HTT: variants seen among roughly 807,000 people sequenced by gnomAD.
The protein encoded by HTT is huntington disease protein.
A neutral mutation model predicts 362.3 loss-of-function variants in HTT; 104 were observed. The observed-to-expected ratio is 0.29, with a 90% CI of 0.24 to 0.34. The LOEUF (loss-of-function observed/expected upper bound fraction) is 0.34, where lower values mean the gene tolerates loss of function less well. HTT is among the 10% of genes least tolerant of loss of function. HTT has a pLI of 1.00. For synonymous variants in HTT, 1,577 were observed against 1,548.7 expected, an observed-to-expected ratio of 1.02 and a Z score of -0.43; for missense variants, 3,301 against 3,928.6, an observed-to-expected ratio of 0.84 and a Z score of 4.27.
intron 40 of HTT, among the ~76,000 whole-genome samples, chr4:3,189,427 T>C (rs1050115163): frequency 3.3e-5 from 5 of 152,190 alleles, no homozygotes; most frequent in African/African-American, 1.2e-4. Context: ...ATATTTACAG[T>C]GGAATATTAT....
chr4:3,083,561 AC>A (rs1713034848), intron 1 of HTT, among the ~76,000 whole-genome samples: 1 of 150,352 alleles, frequency 6.7e-6, no homozygotes, highest in Non-Finnish European at 1.5e-5. Flanking sequence ...ACACACACAC[AC>A]ACACACACAC....
At chr4:3,106,354 C>CA (rs1035287113) in intron 5 of HTT, among the ~76,000 whole-genome samples, 1 of 151,856 alleles carries the variant, frequency 6.6e-6, no homozygotes, top group African/African-American at 2.4e-5. Flanking sequence ...AGACCTGTCT[C>CA]AAAAAAACCA....
chr4:3,225,189 C>G (rs890000895), intron 56 of HTT, among the ~76,000 whole-genome samples: 3 of 152,146 alleles, frequency 2.0e-5, no homozygotes, highest in African/African-American at 7.2e-5. Flanking sequence ...GGGCATTATC[C>G]TGCTCCCGCT....
intron 8 of HTT, among the ~76,000 whole-genome samples, chr4:3,118,440 G>A (rs1347502645): frequency 6.6e-6 from 1 of 152,134 alleles, no homozygotes; most frequent in African/African-American, 2.4e-5. Flanking sequence ...GTCACTTATG[G>A]GCACGTGGAA....
chr4:3,095,534 C>G (rs911128765), intron 2 of HTT, among the ~76,000 whole-genome samples: 3 of 152,076 alleles, frequency 2.0e-5, no homozygotes, highest in Non-Finnish European at 4.4e-5. Flanking sequence ...AGGGCGAGGG[C>G]GAGGGAATTC....
intron 2 of HTT, among the ~76,000 whole-genome samples, chr4:3,092,543 C>G (rs942154367): frequency 6.6e-6 from 1 of 152,038 alleles, no homozygotes; most frequent in African/African-American, 2.4e-5. Context: ...GCTACTATAC[C>G]TGGCTAATTT....
chr4:3,224,287 C>T (rs573532007), intron 56 of HTT, among the ~76,000 whole-genome samples, 156 bp downstream of exon 56: 2 of 152,280 alleles, frequency 1.3e-5, no homozygotes, highest in South Asian at 4.1e-4. Context: ...AAGCAGGAGT[C>T]TTAGTCAGGC....
chr4:3,208,922 A>G lies in HTT; in HGVS notation c.6291+11A>G, dbSNP rs747057225. The G allele has an allele frequency of 4.4e-6, 7 of 1,607,474 alleles. No individual in the cohort carries two copies. In the Admixed American group the frequency reaches 6.8e-5, roughly 16 times the overall value. ...GTGAGTCCGGACAAAGTAAGTGTCC[A>G]GCGTGTCTGCATGGGAGGCACAGGG... On this transcript the variant is annotated intron_variant, in intron 46 of 66. Transcript: ENST00000355072.
chr4:3,161,346 A>G (rs1717433717), intron 29 of HTT, among the ~76,000 whole-genome samples: 1 of 152,124 alleles, frequency 6.6e-6, no homozygotes, highest in Non-Finnish European at 1.5e-5. Flanking sequence ...GTTGGTTCCA[A>G]GTCTTTGCTA....
chr4:3,131,262 CAA>C, intron 14 of HTT, 22 bp from the exon 15 acceptor site: 3 of 1,497,798 alleles, frequency 2.0e-6, no homozygotes, highest in Non-Finnish European at 2.8e-6. Flanking sequence ...ATGAGACAAA[CAA>C]GTGTCATTGT....
At chr4:3,120,774 G>T (rs1345410676) in intron 8 of HTT, among the ~76,000 whole-genome samples, 2 of 152,200 alleles carry the variant, frequency 1.3e-5, no homozygotes, top group African/African-American at 4.8e-5. Context: ...TGCCAGAAAG[G>T]TTGGGTAGCA....
chr4:3,191,972 G>A (rs1719031603), intron 40 of HTT, among the ~76,000 whole-genome samples: 1 of 152,128 alleles, frequency 6.6e-6, no homozygotes, highest in African/African-American at 2.4e-5. Context: ...TGCAGGCAAG[G>A]GTAGTTGGTA....
chr4:3,134,572 A>G, intron 19 of HTT, 32 bp downstream of exon 19: 1 of 1,592,766 alleles, frequency 6.3e-7, no homozygotes, highest in Non-Finnish European at 8.6e-7. Flanking sequence ...GATTTCATGA[A>G]CTAAGCTCAA....
chr4:3,145,277 C>T, intron 24 of HTT, 49 bp downstream of exon 24: 1 of 1,266,440 alleles, frequency 7.9e-7, no homozygotes, highest in Non-Finnish European at 1.2e-6. Flanking sequence ...AACAGTATGA[C>T]ATAAACATAG....
Position 3,215,226 on chromosome 4 carries a change from C to A in HTT, c.7054+15C>A, listed in dbSNP as rs1454388195. The A allele has an allele frequency of 3.1e-6, 5 of 1,590,328 alleles. No individual in the cohort carries two copies. Among genetic ancestry groups the A allele is most frequent in the Admixed American group, 1.7e-5 (1 of 59,528 alleles). ...AAACACACAGAGTAAGTCTCAGGACCCATTTTTTTCTTACATGTTGTTCCT... is the reference window on the plus strand; with the variant it reads ...AAACACACAGAGTAAGTCTCAGGACACATTTTTTTCTTACATGTTGTTCCT... On this transcript the variant is annotated intron_variant, in intron 51 of 66. Transcript: ENST00000355072.
chr4:3,160,464 C>G, intron 29 of HTT, 72 bp downstream of exon 29: 1 of 1,057,288 alleles, frequency 9.5e-7, no homozygotes, highest in Non-Finnish European at 1.4e-6. Context: ...CTGAGTTCAT[C>G]TAGGATGGAG....
chr4:3,236,366 A>G (rs1373225445), intron 64 of HTT, 112 bp downstream of exon 64: 1 of 781,430 alleles, frequency 1.3e-6, no homozygotes, highest in Non-Finnish European at 2.3e-6. Flanking sequence ...GAGTCCTGCC[A>G]GTGATTCCCC....
chr4:3,082,451 T>A (rs1378836801), intron 1 of HTT, among the ~76,000 whole-genome samples: 1 of 152,252 alleles, frequency 6.6e-6, no homozygotes, highest in African/African-American at 2.4e-5. Context: ...TAATATTGTA[T>A]TAAATTGGAT....
rs550365309 is a variant in HTT at position 3,121,406 on chromosome 4, G to T, written c.1247G>T (p.Arg416Leu). The T allele has an allele frequency of 3.7e-6, 6 of 1,613,838 alleles. No homozygotes were observed. Among genetic ancestry groups the T allele is most frequent in the Non-Finnish European group, 5.1e-6 (6 of 1,179,724 alleles). The part of the protein sequence containing the change: ...AAKEESGGRS[R>L]SGSIVELIAG... ...AAGGAGGAGTCTGGTGGCCGAAGCC[G>T]TAGTGGGAGTATTGTGGAACTTATA... Residue 416 changes from arginine (R) to leucine (L), a missense_variant, in exon 9 of 67, where the codon CGT becomes CTT. Transcript: ENST00000355072.
Sources: gnomAD v4.1 joint callset for allele counts (sites outside exome capture counted in the v4.1 genomes callset) on GRCh38, gnomAD v4.1.1 for gene constraint, MANE v1.5 for transcripts, NCBI Gene and HGNC (gene_info 2026-07-23, HGNC 2026-07-21) for gene names.